C1QTNF3: variants seen among roughly 807,000 people sequenced by gnomAD.
C1QTNF3 encodes complement C1q tumor necrosis factor-related protein 3.
A neutral mutation model predicts 32.6 loss-of-function variants in C1QTNF3; 26 were observed. The observed-to-expected ratio is 0.80, with a 90% CI of 0.58 to 1.11. The LOEUF (loss-of-function observed/expected upper bound fraction) is 1.11, where lower values mean the gene tolerates loss of function less well. Ranked by LOEUF, C1QTNF3 falls within the 50% of genes least tolerant of loss-of-function variation. The pLI, the probability that C1QTNF3 is intolerant of heterozygous loss-of-function variation, is 0.00. For missense variants in C1QTNF3, 362 were observed against 398.2 expected, an observed-to-expected ratio of 0.91 and a Z score of 0.77; for synonymous variants, 155 against 146.0, an observed-to-expected ratio of 1.06 and a Z score of -0.44.
At chr5:34,058,838 TGA>T in the C1QTNF3 span, among the ~76,000 whole-genome samples, 3 of 152,236 alleles carry the variant, frequency 2.0e-5, no homozygotes, top group African/African-American at 7.2e-5. Flanking sequence ...TCAGTAAATC[TGA>T]GAGGACACCC....
At chr5:34,129,626 A>T in the C1QTNF3 span, among the ~76,000 whole-genome samples, 32 of 152,280 alleles carry the variant, frequency 2.1e-4, no homozygotes, top group Admixed American at 3.3e-4. Flanking sequence ...ATACACATAT[A>T]TGTAATTATA....
the C1QTNF3 span, among the ~76,000 whole-genome samples, chr5:34,230,800 T>TAAAACAAAAC: frequency 4.6e-5 from 7 of 151,030 alleles, no homozygotes; most frequent in South Asian, 2.1e-4. Flanking sequence ...TTTATCTTAT[T>TAAAACAAAAC]AAAACAAAAC....
In C1QTNF3 at chr5:34,033,319, A is replaced by C; in HGVS notation, c.555T>G (p.Ile185Met). The change falls in exon 3 of 6, where the codon ATT (isoleucine) becomes ATG (methionine). Residue 185 changes from isoleucine to methionine, a missense_variant. Transcript: ENST00000382065. ...GPKGEKGYPG[I>M]PPELQIAFMA... ...GATGGTTTACCTGAAGTTCTGGTGG[A>C]ATCCCCGGGTAGCCCTTCTCTCCTT... 6.2e-7 allele frequency: 1 copy of C among 1,613,602 alleles called. No homozygotes were observed. The highest frequency in any genetic ancestry group is 8.5e-7 in the Non-Finnish European group (1 of 1,179,814).
chr5:34,211,264 T>C, the C1QTNF3 span, among the ~76,000 whole-genome samples: 1 of 151,992 alleles, frequency 6.6e-6, no homozygotes, highest in Non-Finnish European at 1.5e-5. Flanking sequence ...GTTTCATTAA[T>C]TTTTACACTC....
intron 4 of C1QTNF3, among the ~76,000 whole-genome samples, chr5:34,028,058 C>T (rs1036087771): frequency 2.0e-5 from 3 of 152,138 alleles, no homozygotes; most frequent in Non-Finnish European, 2.9e-5. Flanking sequence ...CTGCAAGCTC[C>T]GCCTCCCGGG....
At chr5:34,118,769 T>C in the C1QTNF3 span, among the ~76,000 whole-genome samples, 1 of 152,160 alleles carries the variant, frequency 6.6e-6, no homozygotes, top group Non-Finnish European at 1.5e-5. Context: ...GATCTCCTTG[T>C]TTTCATCCTA....
At chr5:34,120,775 G>A in the C1QTNF3 span, among the ~76,000 whole-genome samples, 5 of 152,270 alleles carry the variant, frequency 3.3e-5, no homozygotes, top group Non-Finnish European at 7.4e-5. Flanking sequence ...ACGTGGAACC[G>A]TGAGTCCATG....
chr5:34,163,468 TTTA>T, the C1QTNF3 span, among the ~76,000 whole-genome samples: 1 of 115,536 alleles, frequency 8.7e-6, no homozygotes, highest in African/African-American at 3.1e-5. Context: ...TAAAATGTAT[TTTA>T]TTATGATTGA....
At chr5:34,068,151 T>A in the C1QTNF3 span, among the ~76,000 whole-genome samples, 1 of 152,214 alleles carries the variant, frequency 6.6e-6, no homozygotes, top group Admixed American at 6.5e-5. Context: ...AAATAACTTG[T>A]GTAGAAGATA....
At chr5:34,223,159 T>TCCCTCCC in the C1QTNF3 span, among the ~76,000 whole-genome samples, 2 of 111,476 alleles carry the variant, frequency 1.8e-5, no homozygotes, top group Non-Finnish European at 3.6e-5. Flanking sequence ...CCTAATGCTA[T>TCCCTCCC]CCCTCCCCCC....
the C1QTNF3 span, among the ~76,000 whole-genome samples, chr5:34,206,953 AG>A: frequency 2.6e-5 from 4 of 152,336 alleles, no homozygotes; most frequent in African/African-American, 9.6e-5. Flanking sequence ...TGACAGGGTG[AG>A]CCCCCAAAGT....
the C1QTNF3 span, among the ~76,000 whole-genome samples, chr5:34,104,699 C>G: frequency 8.3e-6 from 1 of 120,490 alleles, no homozygotes; most frequent in East Asian, 2.3e-4. Context: ...CCAGGTCTGG[C>G]TAATTTTTTT....
At chr5:34,186,536 A>G in the C1QTNF3 span, among the ~76,000 whole-genome samples, 36 of 149,014 alleles carry the variant, frequency 2.4e-4, no homozygotes, top group African/African-American at 9.0e-4. Context: ...GGGTGTCTCA[A>G]TGTTGCCCAA....
chr5:34,101,673 G>GC, the C1QTNF3 span, among the ~76,000 whole-genome samples: 1 of 152,102 alleles, frequency 6.6e-6, no homozygotes, highest in Non-Finnish European at 1.5e-5. Flanking sequence ...AATTCCTGCT[G>GC]CCCTAAACCT....
the C1QTNF3 span, among the ~76,000 whole-genome samples, chr5:34,213,798 T>TATATAC: frequency 7.1e-4 from 2 of 2,810 alleles, no homozygotes; most frequent in Non-Finnish European, 1.7e-3. Flanking sequence ...TATATATATA[T>TATATAC]ATATATATAT....
the C1QTNF3 span, among the ~76,000 whole-genome samples, chr5:34,207,912 C>T: frequency 1.4e-4 from 21 of 149,544 alleles, no homozygotes; most frequent in East Asian, 1.0e-3. Context: ...CTCAGCCTCC[C>T]GAGTAGATGG....
intron 4 of C1QTNF3, 73 bp downstream of exon 4, chr5:34,028,681 C>G: frequency 9.1e-6 from 12 of 1,313,684 alleles, no homozygotes; most frequent in South Asian, 1.7e-5. Flanking sequence ...TCCCTCTCTT[C>G]TTTCCTTCCT....
chr5:34,158,570 A>T, the C1QTNF3 span: 1 of 152,198 alleles, frequency 6.6e-6, no homozygotes, highest in Non-Finnish European at 1.5e-5. Flanking sequence ...TCATTTATGC[A>T]TAAATTTACA....
At chr5:34,135,594 C>T in the C1QTNF3 span, among the ~76,000 whole-genome samples, 4 of 151,894 alleles carry the variant, frequency 2.6e-5, no homozygotes, top group East Asian at 5.8e-4. Context: ...TGACTTTCTT[C>T]ACAGGATTGG....
Sources: allele counts gnomAD v4.1 joint callset (sites outside exome capture counted in the v4.1 genomes callset), GRCh38; gene constraint gnomAD v4.1.1; transcripts MANE v1.5; gene names NCBI Gene and HGNC (gene_info 2026-07-23, HGNC 2026-07-21).